FBXL7: variants seen among roughly 807,000 people sequenced by gnomAD.
FBXL7 encodes F-box/LRR-repeat protein 7.
FBXL7 carries 12 observed loss-of-function variants against 38.3 expected under a neutral mutation model. The ratio of observed to expected loss-of-function variants is 0.31; its 90% CI spans 0.20 to 0.51. The LOEUF is 0.51. Ranked by LOEUF, FBXL7 falls within the 20% of genes least tolerant of loss-of-function variation. The pLI, the probability that FBXL7 is intolerant of heterozygous loss-of-function variation, is 0.98. For missense variants in FBXL7, 567 were observed against 676.4 expected, an observed-to-expected ratio of 0.84 and a Z score of 1.79; for synonymous variants, 297 against 300.9, an observed-to-expected ratio of 0.99 and a Z score of 0.13.
intron 3 of FBXL7, chr5:15,935,090 A>G (rs948163034): frequency 1.3e-5 from 7 of 519,284 alleles, no homozygotes; most frequent in Non-Finnish European, 2.8e-5. Flanking sequence ...CAGTGCTCAG[A>G]GGCTGGAGAG....
chr5:15,715,589 C>G (rs1744022119), intron 2 of FBXL7, among the ~76,000 whole-genome samples: 1 of 151,856 alleles, frequency 6.6e-6, no homozygotes, highest in Middle Eastern at 3.4e-3. Context: ...GCCACGTGGT[C>G]TCTGTCACCA....
intron 2 of FBXL7, among the ~76,000 whole-genome samples, chr5:15,906,249 TA>T (rs968513148): frequency 6.6e-6 from 1 of 152,128 alleles, no homozygotes; most frequent in African/African-American, 2.4e-5. Flanking sequence ...TAGTTACATT[TA>T]AATTTATTTT....
At chr5:15,547,491 A>C (rs756601226) in intron 1 of FBXL7, among the ~76,000 whole-genome samples, 6 of 152,184 alleles carry the variant, frequency 3.9e-5, no homozygotes, top group Non-Finnish European at 8.8e-5. Flanking sequence ...GGACACCCCC[A>C]CACACAAGTT....
chr5:15,924,820 T>G (rs1741840375), intron 2 of FBXL7, among the ~76,000 whole-genome samples: 1 of 152,078 alleles, frequency 6.6e-6, no homozygotes, highest in South Asian at 2.1e-4. Context: ...AGAGACAGGT[T>G]TTTGCCATTC....
intron 2 of FBXL7, among the ~76,000 whole-genome samples, chr5:15,652,930 A>G (rs1741758194): frequency 6.6e-6 from 1 of 152,212 alleles, no homozygotes; most frequent in Admixed American, 6.5e-5. Context: ...TAGATACTCC[A>G]TTTATCCTGA....
At chr5:15,879,074 T>C (rs113794836) in intron 2 of FBXL7, among the ~76,000 whole-genome samples, 2,266 of 152,332 alleles carry the variant, frequency 0.015, 31 homozygotes, top group Non-Finnish European at 0.021. Flanking sequence ...TTGTTTTCTT[T>C]CTCAAGAATT....
chr5:15,861,672 G>A (rs533423186), intron 2 of FBXL7, among the ~76,000 whole-genome samples: 1 of 152,324 alleles, frequency 6.6e-6, no homozygotes, highest in Admixed American at 6.5e-5. Flanking sequence ...GAACAGAAGA[G>A]AGAGAGCTGG....
In FBXL7 at chr5:15,928,493, A is replaced by G. The variant is rs1741955349; in HGVS notation, c.731A>G (p.Asp244Gly). 1 of 1,610,052 alleles carries G rather than the reference A, an allele frequency of 6.2e-7. No individual in the cohort carries two copies. The highest frequency in any genetic ancestry group is 1.1e-5 in the South Asian group (1 of 90,782). ...VSLCPNLEHL[D>G]VSGCSKVTCI... is the part of the protein sequence containing the mutation. The stretch of plus-strand genomic sequence containing the variant: ...CTCTGCCCTAATCTGGAGCACCTGG[A>G]TGTGTCAGGTAAATGGACACTGACC... Residue 244 changes from aspartate to glycine, a missense_variant, in exon 3 of 4, where the codon GAT (aspartate) becomes GGT (glycine). Coordinates refer to ENST00000504595, the MANE Select transcript of FBXL7 (RefSeq NM_012304.5). The surrounding 1 kb of genome is among the most constrained non-coding windows in gnomAD (Gnocchi z 4.0).
In FBXL7 at chr5:15,570,867, C is replaced by T. The variant is rs144259731; in HGVS notation, c.38-45116C>T. Among the ~76,000 whole-genome samples, 279 of 152,180 alleles carry T rather than the reference C, an allele frequency of 1.8e-3. 1 individual carries two copies. Among genetic ancestry groups the T allele is most frequent in the African/African-American group, 6.2e-3 (258 of 41,524 alleles). On this transcript the variant is annotated intron_variant, in intron 1 of 3. Coordinates refer to ENST00000504595, the MANE Select transcript of FBXL7 (RefSeq NM_012304.5). ...CAGCACTTTGGGAGGCCAGGGCAGG[C>T]AGATCACCTGAGGTCGGGAGTTCGA...
At chr5:15,691,915 C>T (rs1377300287) in intron 2 of FBXL7, among the ~76,000 whole-genome samples, 1 of 152,172 alleles carries the variant, frequency 6.6e-6, no homozygotes, top group African/African-American at 2.4e-5. Flanking sequence ...GGTAGAAGCA[C>T]AGTTCAGATG....
At chr5:15,785,787 C>T (rs1737118383) in intron 2 of FBXL7, among the ~76,000 whole-genome samples, 1 of 152,190 alleles carries the variant, frequency 6.6e-6, no homozygotes, top group Non-Finnish European at 1.5e-5. Flanking sequence ...GGACATTTTC[C>T]ATCAAATCCT....
At chr5:15,732,849 A>G (rs961259773) in intron 2 of FBXL7, among the ~76,000 whole-genome samples, 2 of 152,208 alleles carry the variant, frequency 1.3e-5, no homozygotes, top group African/African-American at 2.4e-5. Flanking sequence ...AGGGCAGAAG[A>G]GCTTTGCACC....
At chr5:15,718,265 C>T (rs111287579) in intron 2 of FBXL7, among the ~76,000 whole-genome samples, 7 of 152,242 alleles carry the variant, frequency 4.6e-5, no homozygotes, top group East Asian at 1.9e-4. Flanking sequence ...TGTACTCTTG[C>T]GCTTTTTTTG....
chr5:15,739,341 C>A (rs918387562), intron 2 of FBXL7, among the ~76,000 whole-genome samples: 2 of 152,154 alleles, frequency 1.3e-5, no homozygotes, highest in African/African-American at 4.8e-5. Context: ...GTCACCTCAA[C>A]CAGATATTAA....
In FBXL7 at chr5:15,585,931, G is replaced by A. The variant is rs540707562; in HGVS notation, c.38-30052G>A. ...TATTCCTGGAGGAAGCTTCCCTTTGGCTTATTTTAAAGTAGATGATGTAAA... is the reference window on the plus strand; with the variant it reads ...TATTCCTGGAGGAAGCTTCCCTTTGACTTATTTTAAAGTAGATGATGTAAA... On this transcript the variant is annotated intron_variant, in intron 1 of 3. Transcript: ENST00000504595. Among the ~76,000 whole-genome samples, 5 of 152,250 alleles carry A rather than the reference G, an allele frequency of 3.3e-5. No homozygotes were observed. In the South Asian group the frequency reaches 1.0e-3, roughly 32 times the overall value.
At position 15,909,456 on chromosome 5, in the gene FBXL7, C is replaced by G. The variant is rs1304758664; in HGVS notation, c.128-18434C>G. 2.0e-4 allele frequency among the ~76,000 whole-genome samples: 7 copies of G among 34,918 alleles called. 3 individuals carry two copies. The highest frequency in any genetic ancestry group is 6.7e-4 in the Admixed American group (4 of 5,992). 22.9% of individuals were successfully genotyped at this position (34,918 alleles called of 152,430 possible). On this transcript the variant is annotated intron_variant, in intron 2 of 3. Transcript: ENST00000504595. ...TAGCGGTCTATCAATTTTGTTGATCCTTTCAAAAAACCAGCTCCTGGATTC... is the reference window on the plus strand; with the variant it reads ...TAGCGGTCTATCAATTTTGTTGATCGTTTCAAAAAACCAGCTCCTGGATTC...
At chr5:15,502,247 C>T (rs1736514259) in intron 1 of FBXL7, among the ~76,000 whole-genome samples, 1 of 152,014 alleles carries the variant, frequency 6.6e-6, no homozygotes, top group Non-Finnish European at 1.5e-5. Context: ...GAACAATCCC[C>T]TGCCCCCACC....
chr5:15,828,539 C>T (rs1225992375), intron 2 of FBXL7, among the ~76,000 whole-genome samples: 1 of 152,118 alleles, frequency 6.6e-6, no homozygotes, highest in Non-Finnish European at 1.5e-5. Flanking sequence ...ACATATAAAT[C>T]CCCTCCAGCT....
intron 2 of FBXL7, among the ~76,000 whole-genome samples, chr5:15,704,228 A>T (rs1307952822): frequency 6.6e-6 from 1 of 152,194 alleles, no homozygotes; most frequent in East Asian, 1.9e-4. Flanking sequence ...GCTCATTAAC[A>T]TGTTGGGAAA....
Sources: gnomAD v4.1 joint callset for allele counts (sites outside exome capture counted in the v4.1 genomes callset) on GRCh38, gnomAD v4.1.1 for gene constraint, Gnocchi (gnomAD v3.1) non-coding constraint, MANE v1.5 for transcripts, NCBI Gene and HGNC (gene_info 2026-07-23, HGNC 2026-07-21) for gene names.